The following GAREM1 variants were observed in gnomAD, a reference collection of about 807,000 sequenced individuals.
GAREM1 encodes the protein GRB2-associated and regulator of MAPK protein 1.
Under a neutral mutation model 71.3 loss-of-function variants are expected in GAREM1, and 26 were observed. That is an observed-to-expected ratio of 0.36 (90% confidence interval 0.27 to 0.51). GAREM1 has a LOEUF of 0.51. GAREM1 is among the 20% of genes least tolerant of loss of function. The probability of loss-of-function intolerance (pLI) is 0.95; values close to 1 mark genes in which losing one functional copy is unlikely to be tolerated. For missense variants in GAREM1, 1,026 were observed against 1,103.1 expected (o/e 0.93, Z 0.99); for synonymous variants, 440 against 433.2 (o/e 1.02, Z -0.20).
intron 1 of GAREM1, among the ~76,000 whole-genome samples, chr18:32,456,482 ATAGAAATGAGAATTGCTATGGACTTT>A (rs2048890425): frequency 6.6e-6 from 1 of 152,160 alleles, no homozygotes; most frequent in African/African-American, 2.4e-5. Flanking sequence ...CACATCCATG[ATAGAAATGAGAATTGCTATGGACTTT>A]TTGGATAGCA....
At chr18:32,442,348 G>A (rs2048746710) in intron 1 of GAREM1, among the ~76,000 whole-genome samples, 1 of 152,046 alleles carries the variant, frequency 6.6e-6, no homozygotes, top group African/African-American at 2.4e-5. Flanking sequence ...TGAATTCAGT[G>A]CAAAAATTCC....
At chr18:32,464,223 A>G (rs2048978473) in intron 1 of GAREM1, among the ~76,000 whole-genome samples, 1 of 152,040 alleles carries the variant, frequency 6.6e-6, no homozygotes, top group African/African-American at 2.4e-5. Context: ...CCCAGGAGAC[A>G]GGAGTTACAG....
intron 1 of GAREM1, among the ~76,000 whole-genome samples, chr18:32,396,277 C>T (rs1206955725): frequency 6.6e-6 from 1 of 152,204 alleles, no homozygotes; most frequent in Non-Finnish European, 1.5e-5. Flanking sequence ...CAAAGGAACG[C>T]AGCTCCTCGC....
chr18:32,449,292 G>A (rs2048811658), intron 1 of GAREM1, among the ~76,000 whole-genome samples: 1 of 152,220 alleles, frequency 6.6e-6, no homozygotes, highest in South Asian at 2.1e-4. Flanking sequence ...ATATGGAAGA[G>A]TTACTTTTAA....
intron 2 of GAREM1, among the ~76,000 whole-genome samples, chr18:32,316,766 G>A (rs1007686111): frequency 1.8e-4 from 28 of 152,066 alleles, no homozygotes; most frequent in Non-Finnish European, 1.2e-4. Context: ...CATTTCTTGC[G>A]CCCCACAAAT....
At chr18:32,302,630 G>A (rs2047212148) in intron 3 of GAREM1, among the ~76,000 whole-genome samples, 1 of 152,072 alleles carries the variant, frequency 6.6e-6, no homozygotes, top group Non-Finnish European at 1.5e-5. Flanking sequence ...AATACCACAT[G>A]GTCTCATTTA....
intron 1 of GAREM1, among the ~76,000 whole-genome samples, chr18:32,441,878 A>G (rs1241055828): frequency 6.6e-6 from 1 of 152,190 alleles, no homozygotes; most frequent in African/African-American, 2.4e-5. Flanking sequence ...CAACCTACCA[A>G]GTCCCTTGGA....
intron 1 of GAREM1, among the ~76,000 whole-genome samples, chr18:32,393,713 G>A (rs1438463317): frequency 1.3e-5 from 2 of 152,144 alleles, no homozygotes; most frequent in East Asian, 1.9e-4. Context: ...GCATACAAAT[G>A]AAATTTCTTT....
intron 2 of GAREM1, among the ~76,000 whole-genome samples, chr18:32,351,006 G>C (rs770743484): frequency 6.6e-6 from 1 of 152,120 alleles, no homozygotes; most frequent in Non-Finnish European, 1.5e-5. Context: ...AAGTTGACTT[G>C]AATTTTTCTA....
chr18:32,318,277 A>G (rs963357882), intron 2 of GAREM1, among the ~76,000 whole-genome samples: 8 of 152,220 alleles, frequency 5.3e-5, no homozygotes, highest in African/African-American at 1.9e-4. Context: ...AATAACCGTC[A>G]TCTAGAAAAT....
chr18:32,335,313 G>A (rs1403946612), intron 2 of GAREM1, among the ~76,000 whole-genome samples: 2 of 152,174 alleles, frequency 1.3e-5, no homozygotes, highest in African/African-American at 4.8e-5. Flanking sequence ...CTCTTTTCTT[G>A]CAGTTCAAAC....
rs1418668313 is a variant in GAREM1, at chr18:32,439,129, AT to A, written c.121+31178del. Among the ~76,000 whole-genome samples, 8 of 152,332 alleles carry A rather than the reference AT, an allele frequency of 5.3e-5. No individual in the cohort carries two copies. The South Asian group carries it at 8.3e-4, about 16-fold the overall frequency. ...TTGCAAGACCTGGAGCTTAAACAGC[AT>A]AATTGCAGAGGATCCTCAAGACAAA... On this transcript the variant is annotated intron_variant, in intron 1 of 5. Coordinates refer to ENST00000269209, the MANE Select transcript of GAREM1 (RefSeq NM_001242409.2).
At chr18:32,285,675 C>T (rs935405614) in intron 4 of GAREM1, among the ~76,000 whole-genome samples, 1 of 152,218 alleles carries the variant, frequency 6.6e-6, no homozygotes, top group African/African-American at 2.4e-5. Flanking sequence ...GAATTCTCCA[C>T]ACATTATCTC....
chr18:32,323,316 G>C (rs896631698), intron 2 of GAREM1, among the ~76,000 whole-genome samples: 21 of 152,300 alleles, frequency 1.4e-4, no homozygotes, highest in Non-Finnish European at 8.8e-5. Context: ...AGAAATGTGT[G>C]GGAAGTCTAG....
chr18:32,413,491 G>A (rs1568001793), intron 1 of GAREM1, among the ~76,000 whole-genome samples: 1 of 152,066 alleles, frequency 6.6e-6, no homozygotes, highest in Non-Finnish European at 1.5e-5. Flanking sequence ...ATTTTGCCAG[G>A]TGGGTTGCCC....
At chr18:32,424,642 G>A (rs900782542) in intron 1 of GAREM1, among the ~76,000 whole-genome samples, 4 of 152,026 alleles carry the variant, frequency 2.6e-5, no homozygotes, top group South Asian at 4.1e-4. Context: ...GTATATATTT[G>A]GAACCAGATG....
In GAREM1 at chr18:32,268,783, CAGA is replaced by C; in HGVS notation, c.1734-18_1734-16del. On this transcript the variant is annotated splice_polypyrimidine_tract_variant and intron_variant, in intron 5 of 5. Coordinates refer to ENST00000269209, the MANE Select transcript of GAREM1 (RefSeq NM_001242409.2). The stretch of plus-strand genomic sequence containing the variant: ...TAGTGACGCTGCTTAAAAGCAAACA[CAGA>C]AGGAGAAATCAGTTAAAAGAAAAAA... 6.2e-7 allele frequency: 1 copy of C among 1,602,916 alleles called. No individual in the cohort carries two copies. Among genetic ancestry groups the C allele is most frequent in the Non-Finnish European group, 8.5e-7 (1 of 1,173,572 alleles).
intron 1 of GAREM1, among the ~76,000 whole-genome samples, chr18:32,406,201 TTTC>T (rs2048364271): frequency 6.7e-6 from 1 of 149,040 alleles, no homozygotes; most frequent in Non-Finnish European, 1.5e-5. Context: ...ATTTTTTATT[TTTC>T]TTTTTTGTAG....
chr18:32,462,366 C>T (rs187582648), intron 1 of GAREM1, among the ~76,000 whole-genome samples: 47 of 152,284 alleles, frequency 3.1e-4, no homozygotes, highest in African/African-American at 9.9e-4. Context: ...TGATTAATGA[C>T]GGATGTTGAC....
Sources: allele counts gnomAD v4.1 joint callset (sites outside exome capture counted in the v4.1 genomes callset), GRCh38; gene constraint gnomAD v4.1.1; transcripts MANE v1.5; gene names NCBI Gene and HGNC (gene_info 2026-07-23, HGNC 2026-07-21).